ZC3H18: variants seen among roughly 807,000 people sequenced by gnomAD.
ZC3H18 encodes the protein zinc finger CCCH domain-containing protein 18.
Under a neutral mutation model 106.1 loss-of-function variants are expected in ZC3H18, and 8 were observed. That is an observed-to-expected ratio of 0.08 (90% CI 0.04 to 0.14). ZC3H18 has a LOEUF of 0.14. Ranked by LOEUF, ZC3H18 falls within the 10% of genes least tolerant of loss-of-function variation. The pLI is 1.00. For missense variants in ZC3H18, 1,318 were observed against 1,278.4 expected (o/e 1.03, Z -0.47); for synonymous variants, 635 against 522.1 (o/e 1.22, Z -2.95).
At chr16:88,601,032 G>C (rs1243816798) in intron 6 of ZC3H18, among the ~76,000 whole-genome samples, 1 of 152,214 alleles carries the variant, frequency 6.6e-6, no homozygotes. Context: ...TCCAGGATTT[G>C]GTCCTGTCGA....
intron 8 of ZC3H18, among the ~76,000 whole-genome samples, chr16:88,617,783 C>T (rs922367685): frequency 1.3e-5 from 2 of 152,266 alleles, no homozygotes; most frequent in Non-Finnish European, 2.9e-5. Flanking sequence ...CCGGACACCG[C>T]AGAGTCCGCA....
chr16:88,615,170 CTTT>C (rs1905514080), intron 8 of ZC3H18, among the ~76,000 whole-genome samples: 2 of 143,964 alleles, frequency 1.4e-5, no homozygotes, highest in Non-Finnish European at 3.1e-5. Flanking sequence ...TTCCCTCTGC[CTTT>C]GACAGGCTGC....
chr16:88,625,144 G>T, intron 12 of ZC3H18, 58 bp from the exon 13 acceptor site: 2 of 1,545,872 alleles, frequency 1.3e-6, no homozygotes, highest in African/African-American at 1.4e-5. Flanking sequence ...GGGGAGGGGA[G>T]GCCGCGAGGG....
chr16:88,603,141 T>C (rs1904837412), intron 6 of ZC3H18, among the ~76,000 whole-genome samples: 1 of 151,816 alleles, frequency 6.6e-6, no homozygotes, highest in Admixed American at 6.6e-5. Flanking sequence ...ATTTTTTGTA[T>C]TTTTTAGTAG....
intron 1 of ZC3H18, among the ~76,000 whole-genome samples, chr16:88,574,071 C>T (rs1019057056): frequency 7.2e-5 from 11 of 152,002 alleles, no homozygotes; most frequent in African/African-American, 2.7e-4. Context: ...GACAAGGTTT[C>T]ACCATTTTGA....
Position 88,627,748 on chromosome 16 carries a change from G to A in ZC3H18, c.2235G>A (p.Arg745=). The A allele has an allele frequency of 4.3e-6, 7 of 1,612,878 alleles. No homozygotes were observed. Among genetic ancestry groups the A allele is most frequent in the Non-Finnish European group, 5.9e-6 (7 of 1,179,230 alleles). ...LASPVSSASS[R]SPAPAQTRKE... ...GCCCCGTGTCCTCAGCCAGCTCTCGGTCCCCGGCCCCAGCCCAGACCAGGA... is the reference window on the plus strand; with the variant it reads ...GCCCCGTGTCCTCAGCCAGCTCTCGATCCCCGGCCCCAGCCCAGACCAGGA... The change falls in exon 14 of 18, where the codon CGG becomes CGA. Residue 745 remains arginine, a synonymous_variant. Coordinates refer to ENST00000301011, the MANE Select transcript of ZC3H18 (RefSeq NM_144604.4). This position sits in a 1 kb window ranked among gnomAD's most constrained non-coding sequence, Gnocchi z 4.5.
At chr16:88,570,988 G>A (rs989369415) in intron 1 of ZC3H18, among the ~76,000 whole-genome samples, 2 of 152,234 alleles carry the variant, frequency 1.3e-5, no homozygotes, top group Non-Finnish European at 2.9e-5. Context: ...AGAACTTTGA[G>A]CTCTTTATGA....
chr16:88,601,124 G>A (rs969436278), intron 6 of ZC3H18, among the ~76,000 whole-genome samples: 4 of 152,264 alleles, frequency 2.6e-5, no homozygotes, highest in African/African-American at 7.2e-5. Context: ...AGTTGGGGGA[G>A]GAAGCCCCAG....
chr16:88,616,728 T>C (rs931888737), intron 8 of ZC3H18, among the ~76,000 whole-genome samples: 2 of 152,110 alleles, frequency 1.3e-5, no homozygotes, highest in East Asian at 1.9e-4. Context: ...GAAAGAACTT[T>C]TCTCACCTAA....
In ZC3H18 at chr16:88,628,015, A is replaced by T; in HGVS notation, c.2365A>T (p.Lys789Ter). 1 of 1,614,118 alleles carries T rather than the reference A, an allele frequency of 6.2e-7. No individual in the cohort carries two copies. Among genetic ancestry groups the T allele is most frequent in the Non-Finnish European group, 8.5e-7 (1 of 1,180,034 alleles). The change falls in exon 15 of 18, where the codon AAG becomes TAG. Residue 789 changes from lysine to a stop codon, truncating the protein, a stop_gained. Coordinates refer to ENST00000301011, the MANE Select transcript of ZC3H18 (RefSeq NM_144604.4). LOFTEE classifies it high-confidence loss of function. The part of the protein sequence containing the change: ...PKSAKPPAGG[K>*]SSQQPSTPQQ... ...ATCTGCAAAACCTCCAGCAGGGGGG[A>T]AGTCCTCCCAGCAGCCCTCGACACC...
chr16:88,571,744 G>A, intron 1 of ZC3H18: 1 of 925,808 alleles, frequency 1.1e-6, no homozygotes, highest in Non-Finnish European at 1.3e-6. Context: ...GCATCTCAAG[G>A]TGAGTACCTC....
At chr16:88,574,139 T>C (rs1254904411) in intron 1 of ZC3H18, among the ~76,000 whole-genome samples, 1 of 152,104 alleles carries the variant, frequency 6.6e-6, no homozygotes, top group African/African-American at 2.4e-5. Flanking sequence ...TCTTCCAAAG[T>C]GCTGGGATTA....
At chr16:88,592,619 C>A (rs954982635) in intron 3 of ZC3H18, among the ~76,000 whole-genome samples, 1 of 152,126 alleles carries the variant, frequency 6.6e-6, no homozygotes. Flanking sequence ...AGATTACAGG[C>A]GCATGCCACC....
At chr16:88,608,874 T>G (rs1388240483) in intron 6 of ZC3H18, 60 bp from the exon 7 acceptor site, 5 of 1,370,794 alleles carry the variant, frequency 3.6e-6, no homozygotes, top group Non-Finnish European at 5.2e-6. Flanking sequence ...ATGTTTCGTG[T>G]GGTCTTTTTA....
At chr16:88,597,427 G>A (rs978875566) in intron 3 of ZC3H18, among the ~76,000 whole-genome samples, 4 of 152,120 alleles carry the variant, frequency 2.6e-5, no homozygotes, top group Admixed American at 1.3e-4. Flanking sequence ...TTTTTAAACC[G>A]CTTAGATACT....
chr16:88,628,261 A>C, intron 15 of ZC3H18, 142 bp downstream of exon 15: 1 of 964,230 alleles, frequency 1.0e-6, no homozygotes, highest in Non-Finnish European at 1.5e-6. Flanking sequence ...CTGGGTAACA[A>C]AGCGAGACTC....
chr16:88,580,527 C>A (rs963049450), intron 2 of ZC3H18, among the ~76,000 whole-genome samples: 20 of 152,146 alleles, frequency 1.3e-4, no homozygotes, highest in Admixed American at 7.9e-4. Context: ...GAAGAGCTGC[C>A]GCTCCGGCTG....
rs569071535 is a variant in ZC3H18, at chr16:88,623,267, G to A, written c.1716G>A (p.Ser572=). ...SSYSGSGSSR[S]RSRSSSYSSY... ...ACTCTGGCTCCGGCTCCTCCCGGTC[G>A]CGATCCCGGTCTTCATCCTACAGCT... Residue 572 remains serine (S), a synonymous_variant, in exon 10 of 18, where the codon TCG becomes TCA. Transcript: ENST00000301011. The A allele has an allele frequency of 1.9e-5, 30 of 1,613,496 alleles. No individual in the cohort carries two copies. The highest frequency in any genetic ancestry group is 2.7e-5 in the African/African-American group (2 of 74,874).
At chr16:88,628,629 C>G in intron 15 of ZC3H18, 129 bp from the exon 16 acceptor site, 1 of 974,252 alleles carries the variant, frequency 1.0e-6, no homozygotes, top group Non-Finnish European at 1.6e-6. Flanking sequence ...GCTACGGGGT[C>G]TCATGGGTGT....
Sources: allele counts gnomAD v4.1 joint callset (sites outside exome capture counted in the v4.1 genomes callset), GRCh38; gene constraint gnomAD v4.1.1; non-coding constraint Gnocchi (gnomAD v3.1); transcripts MANE v1.5; gene names NCBI Gene and HGNC (gene_info 2026-07-23, HGNC 2026-07-21).